Variants in RALYL observed in about 807,000 individuals in gnomAD.
RALYL encodes RALY RNA binding protein like, also known as RNA-binding Raly-like protein.
In RALYL, 29 loss-of-function variants were observed where a neutral mutation model predicts 35.1. That is an observed-to-expected ratio of 0.83 (90% CI 0.61 to 1.13). The LOEUF is 1.13. Ranked by LOEUF, RALYL falls within the 50% of genes most tolerant of loss-of-function variation. The probability of loss-of-function intolerance (pLI) is 0.00; values close to 1 mark genes in which losing one functional copy is unlikely to be tolerated. For synonymous variants in RALYL, 120 were observed against 127.6 expected, an observed-to-expected ratio of 0.94 and a Z score of 0.40; for missense variants, 359 against 360.4, an observed-to-expected ratio of 1.00 and a Z score of 0.03.
intron 2 of RALYL, among the ~76,000 whole-genome samples, chr8:84,574,259 T>C (rs904139347): frequency 6.6e-6 from 1 of 152,080 alleles, no homozygotes; most frequent in Non-Finnish European, 1.5e-5. Context: ...AAAAAAGTCT[T>C]ATCAGAACCG....
At chr8:84,813,197 G>A (rs116120314) in intron 4 of RALYL, among the ~76,000 whole-genome samples, 7 of 152,154 alleles carry the variant, frequency 4.6e-5, no homozygotes, top group Non-Finnish European at 2.9e-5. Context: ...TTCTCCAGTC[G>A]GGGGTGTGTG....
chr8:84,479,115 A>T (rs1304307638), intron 1 of RALYL, among the ~76,000 whole-genome samples: 3 of 147,266 alleles, frequency 2.0e-5, no homozygotes, highest in African/African-American at 7.6e-5. Context: ...AAAAAAAAAA[A>T]AAAAAAAATC....
At chr8:84,634,798 C>T (rs968861218) in intron 2 of RALYL, among the ~76,000 whole-genome samples, 3 of 151,692 alleles carry the variant, frequency 2.0e-5, no homozygotes, top group Non-Finnish European at 4.4e-5. Context: ...GAGGTCAACA[C>T]GCTAAATTGA....
At chr8:84,619,117 G>T (rs1820606101) in intron 2 of RALYL, among the ~76,000 whole-genome samples, 1 of 151,390 alleles carries the variant, frequency 6.6e-6, no homozygotes, top group African/African-American at 2.4e-5. Context: ...GGTCCACTTG[G>T]TGCAGAGCTG....
At chr8:84,607,491 A>T (rs900122803) in intron 2 of RALYL, among the ~76,000 whole-genome samples, 1 of 152,134 alleles carries the variant, frequency 6.6e-6, no homozygotes, top group Non-Finnish European at 1.5e-5. Flanking sequence ...TTTCATTTAA[A>T]ATTTAAAATC....
intron 1 of RALYL, among the ~76,000 whole-genome samples, chr8:84,280,458 TTTTTA>T (rs1333681061): frequency 6.6e-6 from 1 of 152,098 alleles, no homozygotes; most frequent in Non-Finnish European, 1.5e-5. Flanking sequence ...ATGTTACCAA[TTTTTA>T]TTTTATTTAC....
chr8:84,726,118 A>G (rs1332743671), intron 2 of RALYL, among the ~76,000 whole-genome samples: 5 of 150,840 alleles, frequency 3.3e-5, no homozygotes, highest in African/African-American at 1.2e-4. Flanking sequence ...AGAAATCCAT[A>G]AACAATCATC....
At chr8:84,778,455 A>G (rs1817366065) in intron 3 of RALYL, among the ~76,000 whole-genome samples, 1 of 152,230 alleles carries the variant, frequency 6.6e-6, no homozygotes. Flanking sequence ...CTTATGCATA[A>G]GTTAGATGCA....
At chr8:84,415,021 G>T (rs1396669374) in intron 1 of RALYL, among the ~76,000 whole-genome samples, 2 of 151,964 alleles carry the variant, frequency 1.3e-5, no homozygotes, top group Non-Finnish European at 2.9e-5. Context: ...TCACTGGAAT[G>T]GTCTGTCAAG....
chr8:84,562,557 G>A (rs559409911), intron 2 of RALYL, among the ~76,000 whole-genome samples: 1 of 152,012 alleles, frequency 6.6e-6, no homozygotes, highest in African/African-American at 2.4e-5. Context: ...CATATAAAAT[G>A]TATGGGAAAA....
At chr8:84,210,284 G>A (rs1174314089) in intron 1 of RALYL, among the ~76,000 whole-genome samples, 3 of 151,468 alleles carry the variant, frequency 2.0e-5, no homozygotes, top group Admixed American at 6.6e-5. Context: ...TAATTTTACC[G>A]AGCCTCTGTA....
chr8:84,205,568 C>A (rs1817870333), intron 1 of RALYL, among the ~76,000 whole-genome samples: 1 of 152,114 alleles, frequency 6.6e-6, no homozygotes. Flanking sequence ...TATTCTTTGA[C>A]TTCTAATGCA....
At chr8:84,682,116 G>T (rs1835670876) in intron 2 of RALYL, among the ~76,000 whole-genome samples, 1 of 152,096 alleles carries the variant, frequency 6.6e-6, no homozygotes, top group Non-Finnish European at 1.5e-5. Flanking sequence ...TTTTGTCTTT[G>T]GTTCTGTTTA....
intron 1 of RALYL, among the ~76,000 whole-genome samples, chr8:84,273,330 GGCCAGGTACTC>G (rs1411947484): frequency 6.6e-6 from 1 of 152,198 alleles, no homozygotes. Flanking sequence ...TCTGGCTTTG[GGCCAGGTACTC>G]GCCACATGGG....
At chr8:84,536,248 G>A (rs760315610) in intron 2 of RALYL, among the ~76,000 whole-genome samples, 1 of 152,158 alleles carries the variant, frequency 6.6e-6, no homozygotes, top group Non-Finnish European at 1.5e-5. Flanking sequence ...GAAAAAGAAA[G>A]TATCATGGAA....
chr8:84,529,646 A>G (rs2059145439), intron 2 of RALYL, 69 bp downstream of exon 2: 12 of 1,402,190 alleles, frequency 8.6e-6, no homozygotes, highest in Non-Finnish European at 1.2e-5. Context: ...ATTTCACAAA[A>G]CCCAACACCA....
At position 84,339,170 on chromosome 8, in the gene RALYL, A is replaced by C. The variant is rs1012108158; in HGVS notation, c.-24+154746A>C. ...AAATTTACATCTTAGTTTTTTGCAT[A>C]AATTGGAACCACCAAGAGACTGCAT... On this transcript the variant is annotated intron_variant, in intron 1 of 8. Coordinates refer to ENST00000521268, the MANE Select transcript of RALYL (RefSeq NM_173848.7). Among the ~76,000 whole-genome samples the C allele has an allele frequency of 5.9e-5, 9 of 151,980 alleles. No individual in the cohort carries two copies. In the East Asian group the frequency reaches 1.7e-3, roughly 29 times the overall value.
intron 2 of RALYL, among the ~76,000 whole-genome samples, chr8:84,743,150 A>G (rs375315229): frequency 1.9e-3 from 291 of 152,120 alleles, no homozygotes; most frequent in African/African-American, 6.9e-3. Context: ...CCTCAGACAA[A>G]TTGACTACAG....
chr8:84,361,345 G>A (rs1454002309), intron 1 of RALYL, among the ~76,000 whole-genome samples: 1 of 152,150 alleles, frequency 6.6e-6, no homozygotes, highest in Non-Finnish European at 1.5e-5. Flanking sequence ...TGCTGGAAAT[G>A]AGGCAGCAGG....
Sources: allele counts gnomAD v4.1 joint callset (sites outside exome capture counted in the v4.1 genomes callset), GRCh38; gene constraint gnomAD v4.1.1; transcripts MANE v1.5; gene names NCBI Gene and HGNC (gene_info 2026-07-23, HGNC 2026-07-21).